The following FRYL variants were observed in gnomAD, a reference collection of about 807,000 sequenced individuals.
FRYL encodes the protein FRY like transcription coactivator.
Under a neutral mutation model 351.2 loss-of-function variants are expected in FRYL, and 150 were observed. The observed-to-expected ratio is 0.43, with a 90% CI of 0.37 to 0.49. The LOEUF (loss-of-function observed/expected upper bound fraction) is 0.49, where lower values mean the gene tolerates loss of function less well. Ranked by LOEUF, FRYL falls within the 20% of genes least tolerant of loss-of-function variation. The pLI, the probability that FRYL is intolerant of heterozygous loss-of-function variation, is 0.00. For missense variants in FRYL, 3,036 were observed against 3,619.3 expected (o/e 0.84, Z 4.13); for synonymous variants, 1,153 against 1,257.1 (o/e 0.92, Z 1.75).
chr4:48,704,508 AAAC>A (rs1293518841), intron 2 of FRYL, among the ~76,000 whole-genome samples: 6 of 152,118 alleles, frequency 3.9e-5, no homozygotes, highest in African/African-American at 1.4e-4. Flanking sequence ...AGCTTTTAAA[AAAC>A]AACAACAACA....
intron 59 of FRYL, among the ~76,000 whole-genome samples, chr4:48,507,090 GTCCAAGTATACTAATAAATTTGAAAATAA>G (rs1721247561): frequency 6.6e-6 from 1 of 152,056 alleles, no homozygotes; most frequent in Non-Finnish European, 1.5e-5. Context: ...TGTCCAGTTT[GTCCAAGTATACTAATAAATTTGAAAATAA>G]TTTCAGTTGA....
intron 1 of FRYL, among the ~76,000 whole-genome samples, chr4:48,716,620 C>G (rs1010383285): frequency 4.0e-5 from 6 of 151,490 alleles, no homozygotes; most frequent in African/African-American, 1.5e-4. Context: ...AGTCAGGAAA[C>G]AACAGGTGCT....
chr4:48,773,086 G>C (rs1022504565), intron 1 of FRYL, among the ~76,000 whole-genome samples: 1 of 152,172 alleles, frequency 6.6e-6, no homozygotes, highest in Non-Finnish European at 1.5e-5. Context: ...GCCTGTAAAA[G>C]TATAATCAAC....
intron 1 of FRYL, among the ~76,000 whole-genome samples, chr4:48,771,964 G>A (rs1441119637): frequency 6.6e-6 from 1 of 152,174 alleles, no homozygotes; most frequent in Non-Finnish European, 1.5e-5. Context: ...GATTTAGAAA[G>A]GAATGGTTTC....
chr4:48,533,200 T>C (rs1466469952), intron 49 of FRYL, among the ~76,000 whole-genome samples: 2 of 152,070 alleles, frequency 1.3e-5, no homozygotes, highest in East Asian at 3.9e-4. Context: ...AATGTACCTA[T>C]GGTTCAGAAG....
intron 1 of FRYL, among the ~76,000 whole-genome samples, chr4:48,745,251 GGGTATATACCCAAA>G (rs1772537695): frequency 6.6e-6 from 1 of 152,116 alleles, no homozygotes; most frequent in South Asian, 2.1e-4. Context: ...TCCCATTACT[GGGTATATACCCAAA>G]GGATTATAAA....
chr4:48,530,637 T>A (rs954864235), intron 50 of FRYL, among the ~76,000 whole-genome samples: 2 of 152,202 alleles, frequency 1.3e-5, no homozygotes, highest in East Asian at 1.9e-4. Context: ...TTGAACTCTG[T>A]GCCCAAGGTA....
At chr4:48,734,209 TAAAG>T (rs1771035474) in intron 1 of FRYL, among the ~76,000 whole-genome samples, 1 of 151,984 alleles carries the variant, frequency 6.6e-6, no homozygotes, top group African/African-American at 2.4e-5. Flanking sequence ...AGTAAATGGA[TAAAG>T]AAAGAGATGT....
In FRYL at chr4:48,561,480, C is replaced by T. The variant is rs200059812; in HGVS notation, c.3853G>A (p.Ala1285Thr). 4,674 of 1,591,096 alleles carry T rather than the reference C, an allele frequency of 2.9e-3. 10 individuals are homozygous for T. Among genetic ancestry groups the T allele is most frequent in the Non-Finnish European group, 3.6e-3 (4,166 of 1,167,006 alleles). Reference sequence around the variant, plus strand: ...TCATTGATCATACCTGAGAATATGGCGAGAGTTAGCTCAGGATACGCCCTT... The same window carrying T: ...TCATTGATCATACCTGAGAATATGGTGAGAGTTAGCTCAGGATACGCCCTT... Reference protein sequence around the residue: ...LARAYPELTLAIFSEISQRIQ... With the variant: ...LARAYPELTLTIFSEISQRIQ... The change falls in exon 33 of 64, where the codon GCC (alanine) becomes ACC (threonine). Residue 1285 changes from alanine (A) to threonine (T), a missense_variant. Ala to Thr is a moderately conservative substitution (Grantham distance 58). Transcript: ENST00000358350.
chr4:48,527,845 T>G, intron 52 of FRYL, 126 bp downstream of exon 52: 1 of 994,560 alleles, frequency 1.0e-6, no homozygotes, highest in South Asian at 1.7e-5. Context: ...ATAAGAAATC[T>G]TTTTTTCATT....
At chr4:48,518,699 C>T (rs999570055) in intron 55 of FRYL, among the ~76,000 whole-genome samples, 1 of 152,146 alleles carries the variant, frequency 6.6e-6, no homozygotes, top group African/African-American at 2.4e-5. Flanking sequence ...GCTGCTTCTT[C>T]TGCCTGGAAC....
At chr4:48,507,722 T>C (rs1042916156) in intron 59 of FRYL, among the ~76,000 whole-genome samples, 5 of 151,558 alleles carry the variant, frequency 3.3e-5, no homozygotes, top group African/African-American at 9.8e-5. Context: ...AGATGATAGA[T>C]AGATAGATAG....
At chr4:48,538,269 ATGTT>A (rs1412071878) in intron 47 of FRYL, among the ~76,000 whole-genome samples, 3 of 152,236 alleles carry the variant, frequency 2.0e-5, no homozygotes, top group East Asian at 3.9e-4. Flanking sequence ...AGAAACGAAG[ATGTT>A]TCCATTAGCT....
intron 1 of FRYL, among the ~76,000 whole-genome samples, chr4:48,773,601 C>T (rs913873591): frequency 1.3e-5 from 2 of 152,066 alleles, no homozygotes; most frequent in Non-Finnish European, 2.9e-5. Context: ...CTATTATTCT[C>T]CAGGCTTAGG....
chr4:48,635,962 T>A (rs1754147618), intron 3 of FRYL, among the ~76,000 whole-genome samples: 1 of 152,082 alleles, frequency 6.6e-6, no homozygotes, highest in African/African-American at 2.4e-5. Flanking sequence ...TTTGTCAAAT[T>A]AAAAAAACTT....
chr4:48,601,361 A>C (rs552911909), intron 13 of FRYL, among the ~76,000 whole-genome samples: 1 of 152,298 alleles, frequency 6.6e-6, no homozygotes, highest in South Asian at 2.1e-4. Context: ...ATATTCCCAC[A>C]CTGTCAGAAT....
At chr4:48,525,490 T>C (rs1725925677) in intron 53 of FRYL, among the ~76,000 whole-genome samples, 1 of 152,184 alleles carries the variant, frequency 6.6e-6, no homozygotes. Flanking sequence ...CTCAAACTGG[T>C]CTTCCATGGA....
intron 2 of FRYL, among the ~76,000 whole-genome samples, chr4:48,701,739 G>C (rs1766743283): frequency 6.6e-6 from 1 of 152,134 alleles, no homozygotes; most frequent in African/African-American, 2.4e-5. Flanking sequence ...CGGACAATGA[G>C]TCCAAAGGTA....
In FRYL at chr4:48,567,687, T is replaced by C. The variant is rs1226019182; in HGVS notation, c.2997-267A>G. Among the ~76,000 whole-genome samples, 1 of 152,192 alleles carries C rather than the reference T, an allele frequency of 6.6e-6. No individual in the cohort carries two copies. Among genetic ancestry groups the C allele is most frequent in the East Asian group, 1.9e-4 (1 of 5,204 alleles). On this transcript the variant is annotated intron_variant, in intron 27 of 63. Transcript: ENST00000358350. The surrounding 1 kb of genome is among the most constrained non-coding windows in gnomAD (Gnocchi z 4.2). ...AATCAACTCAGTGCTAAATGTTGTT[T>C]CCTCTCTGTGAAACACACAGATTTC...
Sources: allele counts gnomAD v4.1 joint callset (sites outside exome capture counted in the v4.1 genomes callset), GRCh38; gene constraint gnomAD v4.1.1; non-coding constraint Gnocchi (gnomAD v3.1); transcripts MANE v1.5; gene names NCBI Gene and HGNC (gene_info 2026-07-23, HGNC 2026-07-21).